The following SETBP1 variants were observed in gnomAD, a reference collection of about 807,000 sequenced individuals.
SETBP1 encodes SET-binding protein.
In SETBP1, 9 loss-of-function variants were observed where a neutral mutation model predicts 101.0. The ratio of observed to expected loss-of-function variants is 0.09; its 90% CI spans 0.05 to 0.16. The LOEUF (loss-of-function observed/expected upper bound fraction) is 0.16. Among genes scored for constraint, SETBP1 ranks in the 10% least tolerant of loss-of-function variants. The pLI is 1.00. For missense variants in SETBP1, 1,858 were observed against 2,033.8 expected (o/e 0.91, Z 1.66); for synonymous variants, 818 against 788.5 (o/e 1.04, Z -0.63).
At chr18:44,707,075 C>T (rs1350321524) in intron 2 of SETBP1, among the ~76,000 whole-genome samples, 1 of 152,184 alleles carries the variant, frequency 6.6e-6, no homozygotes, top group African/African-American at 2.4e-5. Context: ...TATTTATTTA[C>T]AGGAACTTGA....
intron 4 of SETBP1, among the ~76,000 whole-genome samples, chr18:45,028,528 T>A (rs1234291846): frequency 6.6e-6 from 1 of 152,156 alleles, no homozygotes; most frequent in African/African-American, 2.4e-5. Context: ...ATATACCCAG[T>A]AATGGGATGG....
intron 2 of SETBP1, among the ~76,000 whole-genome samples, chr18:44,846,640 G>C (rs990662328): frequency 4.6e-5 from 7 of 152,218 alleles, no homozygotes; most frequent in African/African-American, 1.7e-4. Context: ...GAAGTGCCCT[G>C]CACATGGATG....
intron 3 of SETBP1, among the ~76,000 whole-genome samples, chr18:44,896,793 C>T (rs1053128039): frequency 1.3e-5 from 2 of 152,140 alleles, no homozygotes; most frequent in Non-Finnish European, 1.5e-5. Context: ...GCTAAATATC[C>T]TCATTTTTCC....
chr18:45,028,098 C>T (rs148184962), intron 4 of SETBP1, among the ~76,000 whole-genome samples: 8,134 of 151,768 alleles, frequency 0.054, 765 homozygotes, highest in African/African-American at 0.19. Flanking sequence ...GCCATGCTGG[C>T]GTGCTGCACC....
At chr18:44,710,315 C>G (rs1051333893) in intron 2 of SETBP1, among the ~76,000 whole-genome samples, 1 of 152,144 alleles carries the variant, frequency 6.6e-6, no homozygotes. Context: ...CAGAAAGTTA[C>G]TGGGAACCGC....
chr18:44,835,408 C>A (rs1433357404), intron 2 of SETBP1, among the ~76,000 whole-genome samples: 2 of 151,952 alleles, frequency 1.3e-5, no homozygotes, highest in African/African-American at 4.8e-5. Context: ...TTTTCCCATT[C>A]CCTGCCTGTG....
chr18:44,940,418 G>T (rs12606626), intron 3 of SETBP1, among the ~76,000 whole-genome samples: 1 of 151,956 alleles, frequency 6.6e-6, no homozygotes, highest in Non-Finnish European at 1.5e-5. Flanking sequence ...TATGTTGCTT[G>T]TATTTTCTGT....
intron 4 of SETBP1, among the ~76,000 whole-genome samples, chr18:44,968,019 G>GA (rs963103599): frequency 2.6e-5 from 4 of 151,684 alleles, no homozygotes; most frequent in East Asian, 1.9e-4. Context: ...AAATGCAGTG[G>GA]AAAAAAAACA....
At chr18:44,799,557 C>T (rs1467311506) in intron 2 of SETBP1, among the ~76,000 whole-genome samples, 2 of 151,602 alleles carry the variant, frequency 1.3e-5, no homozygotes, top group African/African-American at 4.9e-5. Flanking sequence ...TGTAGGGAAA[C>T]CACAAAGATT....
chr18:45,028,502 T>G (rs2073219647), intron 4 of SETBP1, among the ~76,000 whole-genome samples: 2 of 152,106 alleles, frequency 1.3e-5, no homozygotes, highest in South Asian at 4.2e-4. Context: ...GCAGCATGAT[T>G]TATAGTCCTT....
rs1030121662 is a variant in SETBP1, at chr18:45,067,660, G to A, written c.*3962G>A. 2.0e-5 allele frequency: 3 copies of A among 152,256 alleles called. No homozygotes were observed. The highest frequency in any genetic ancestry group is 4.8e-5 in the African/African-American group (2 of 41,556). The allele number at this position is 152,256 out of a possible 1,614,324, so 9.4% of individuals were successfully genotyped here. The stretch of plus-strand genomic sequence containing the variant: ...CTAGAAACTCGAACTGTAATATATC[G>A]TAGCATTTTCTTGGTGTTTCTTAAA... On this transcript the variant is annotated 3_prime_UTR_variant, in exon 6 of 6. Transcript: ENST00000649279.
At chr18:44,977,801 C>T (rs569305420) in intron 4 of SETBP1, among the ~76,000 whole-genome samples, 2 of 152,302 alleles carry the variant, frequency 1.3e-5, no homozygotes, top group East Asian at 3.9e-4. Context: ...GGAGAGAACA[C>T]CTTTCACTTT....
chr18:44,960,192 C>T (rs1481615379), intron 4 of SETBP1, among the ~76,000 whole-genome samples: 2 of 151,942 alleles, frequency 1.3e-5, no homozygotes, highest in Non-Finnish European at 2.9e-5. Context: ...CCACCGTGAC[C>T]AGCCCATAGT....
At chr18:45,022,723 G>A (rs2073094922) in intron 4 of SETBP1, among the ~76,000 whole-genome samples, 1 of 152,164 alleles carries the variant, frequency 6.6e-6, no homozygotes, top group Non-Finnish European at 1.5e-5. Context: ...CCAGCTACAT[G>A]GGAGGCTGAG....
chr18:44,852,347 A>T (rs1294563384), intron 2 of SETBP1, among the ~76,000 whole-genome samples: 1 of 152,044 alleles, frequency 6.6e-6, no homozygotes, highest in Non-Finnish European at 1.5e-5. Flanking sequence ...TACATGCTAT[A>T]CTCTGGCAGT....
At chr18:44,929,006 A>G (rs1470631548) in intron 3 of SETBP1, among the ~76,000 whole-genome samples, 2 of 152,176 alleles carry the variant, frequency 1.3e-5, no homozygotes, top group Non-Finnish European at 2.9e-5. Context: ...GTCCTTGCCC[A>G]TGCCTATGTC....
chr18:44,951,746 G>A lies in SETBP1; in HGVS notation c.2406G>A (p.Leu802=). ...GCACTGAAACCAATTTTTCAGAGTT[G>A]AAAACTATGCCAAATCTCCAGCCCA... ...PASTETNFSE[L]KTMPNLQPIS... is the part of the protein sequence containing the mutation. Residue 802 remains leucine (L), a synonymous_variant, in exon 4 of 6, where the codon TTG becomes TTA. Transcript: ENST00000649279. This position sits in a 1 kb window ranked among gnomAD's most constrained non-coding sequence, Gnocchi z 7.8. The A allele has an allele frequency of 6.2e-7, 1 of 1,614,108 alleles. No homozygotes were observed. Among genetic ancestry groups the A allele is most frequent in the Non-Finnish European group, 8.5e-7 (1 of 1,180,028 alleles).
intron 3 of SETBP1, among the ~76,000 whole-genome samples, chr18:44,935,439 G>A (rs1392058214): frequency 6.6e-6 from 1 of 152,024 alleles, no homozygotes; most frequent in African/African-American, 2.4e-5. Flanking sequence ...CACAGGCTAG[G>A]TATAATCTTG....
Position 44,951,620 on chromosome 18 carries a change from C to T in SETBP1, c.2280C>T (p.Ala760=), listed in dbSNP as rs769433440. The change falls in exon 4 of 6, where the codon GCC becomes GCT. Residue 760 remains alanine, a synonymous_variant. Transcript: ENST00000649279. The surrounding 1 kb of genome is among the most constrained non-coding windows in gnomAD (Gnocchi z 7.8). ...TTTCTAGCCAGCCGGATGTTCCAGC[C>T]GTGCCTTCCAACTTTCAGTCACTTG... is the stretch of plus-strand genomic sequence containing the variant. The part of the protein sequence containing the change: ...RPVSSQPDVP[A]VPSNFQSLVA... 1.2e-6 allele frequency: 2 copies of T among 1,614,204 alleles called. No homozygotes were observed. Among genetic ancestry groups the T allele is most frequent in the South Asian group, 1.1e-5 (1 of 91,080 alleles).
Sources: gnomAD v4.1 joint callset for allele counts (sites outside exome capture counted in the v4.1 genomes callset) on GRCh38, gnomAD v4.1.1 for gene constraint, Gnocchi (gnomAD v3.1) non-coding constraint, MANE v1.5 for transcripts, NCBI Gene and HGNC (gene_info 2026-07-23, HGNC 2026-07-21) for gene names.